SRSF1: variants seen among roughly 807,000 people sequenced by gnomAD.
SRSF1 encodes the protein serine and arginine rich splicing factor 1.
In SRSF1, 1 loss-of-function variant was observed where a neutral mutation model predicts 25.9. That is an observed-to-expected ratio of 0.04 (90% CI 0.01 to 0.18). The LOEUF is 0.18. Among genes scored for constraint, SRSF1 ranks in the 10% least tolerant of loss-of-function variants. The pLI, the probability that SRSF1 is intolerant of heterozygous loss-of-function variation, is 1.00. For missense variants in SRSF1, 65 were observed against 350.5 expected (o/e 0.19, Z 6.50); for synonymous variants, 132 against 126.2 (o/e 1.05, Z -0.31).
At chr17:58,006,604 C>T in intron 1 of SRSF1, 77 bp from the exon 2 acceptor site, 1 of 1,468,466 alleles carries the variant, frequency 6.8e-7, no homozygotes, top group South Asian at 1.3e-5. Context: ...CAGCAAACCC[C>T]CCGCACATGC....
Position 58,001,840 on chromosome 17 carries a change from A to G in SRSF1, c.*3566T>C, listed in dbSNP as rs1212899152. ...CCTATGCCCCTTTACCTAAGTAAAC[A>G]TTAGATCCTCTCTAATCTTCAAATT... On this transcript the variant is annotated 3_prime_UTR_variant, in exon 4 of 4. Transcript: ENST00000258962. 6.6e-6 allele frequency among the ~76,000 whole-genome samples: 1 copy of G among 152,226 alleles called. No individual in the cohort carries two copies. Among genetic ancestry groups the G allele is most frequent in the Non-Finnish European group, 1.5e-5 (1 of 68,036 alleles).
the SRSF1 span, among the ~76,000 whole-genome samples, chr17:57,995,420 G>T: frequency 6.6e-6 from 1 of 152,218 alleles, no homozygotes; most frequent in Admixed American, 6.5e-5. Flanking sequence ...CTCAATAGTA[G>T]GGGTCAAAAG....
At chr17:57,999,210 G>A (rs2075376142), downstream of SRSF1, among the ~76,000 whole-genome samples, 1 of 152,286 alleles carries the variant, frequency 6.6e-6, no homozygotes, top group Non-Finnish European at 1.5e-5. Flanking sequence ...ATACTGAGAA[G>A]ATCATCACAC....
At chr17:57,989,188 TGC>T in the SRSF1 span, 1 of 398,626 alleles carries the variant, frequency 2.5e-6, no homozygotes, top group Non-Finnish European at 4.4e-6. Flanking sequence ...TAGGCGTCAC[TGC>T]TACTGGAACT....
At chr17:57,995,246 A>C in the SRSF1 span, among the ~76,000 whole-genome samples, 8 of 152,316 alleles carry the variant, frequency 5.3e-5, no homozygotes, top group African/African-American at 1.4e-4. Flanking sequence ...TACTAATACA[A>C]ATTTAAGTGT....
the SRSF1 span, chr17:57,991,014 T>C: frequency 6.6e-6 from 1 of 152,186 alleles, no homozygotes; most frequent in Admixed American, 6.5e-5. Flanking sequence ...AGATGTGAAA[T>C]AAATATTTTT....
the SRSF1 span, chr17:57,992,421 C>T: frequency 6.6e-6 from 1 of 151,786 alleles, no homozygotes; most frequent in Non-Finnish European, 1.5e-5. Context: ...TGGTCCTGCA[C>T]CAAACTACAA....
Position 58,003,821 on chromosome 17 carries a change from A to C in SRSF1, c.*1585T>G, listed in dbSNP as rs2075409203. ...TCTTTGGAATAGCCAATTAAGTTGA[A>C]TAAAAAAATCCACACGAATGCGGTT... On this transcript the variant is annotated 3_prime_UTR_variant, in exon 4 of 4. Transcript: ENST00000258962. 1 of 152,660 alleles carries C rather than the reference A, an allele frequency of 6.6e-6. No homozygotes were observed. Among genetic ancestry groups the C allele is most frequent in the African/African-American group, 2.4e-5 (1 of 41,466 alleles). The allele number at this position is 152,660 out of a possible 1,614,324, so 9.5% of individuals were successfully genotyped here.
rs1203024090 is a variant in SRSF1 at position 58,004,259 on chromosome 17, A to G, written c.*1147T>C. On this transcript the variant is annotated 3_prime_UTR_variant, in exon 4 of 4. Coordinates refer to ENST00000258962, the MANE Select transcript of SRSF1 (RefSeq NM_006924.5). ...GCCAACACTTGTTACTGTACAGCGT[A>G]TTACAGGTTTCGTGGTTGCAAGAAG... 1.3e-5 allele frequency: 2 copies of G among 152,664 alleles called. No homozygotes were observed. Among genetic ancestry groups the G allele is most frequent in the African/African-American group, 4.8e-5 (2 of 41,460 alleles). 9.5% of individuals were successfully genotyped at this position (152,664 alleles called of 1,614,324 possible). A position where few individuals can be genotyped will look rare whatever the true frequency, so the allele number is the denominator to read the frequency against.
chr17:57,998,995 G>T (rs1024703535), downstream of SRSF1, among the ~76,000 whole-genome samples: 1 of 152,134 alleles, frequency 6.6e-6, no homozygotes, highest in African/African-American at 2.4e-5. Context: ...AAAGAAACCT[G>T]GGGAGAAAGC....
downstream of SRSF1, among the ~76,000 whole-genome samples, chr17:58,000,054 T>TA (rs2075380304): frequency 6.6e-6 from 1 of 152,208 alleles, no homozygotes; most frequent in Non-Finnish European, 1.5e-5. Flanking sequence ...TAAAATGTTG[T>TA]AAATTACAAA....
chr17:57,993,662 T>TA, the SRSF1 span: 1 of 152,256 alleles, frequency 6.6e-6, no homozygotes, highest in African/African-American at 2.4e-5. Flanking sequence ...GAGGACAGGA[T>TA]AGATTTTGAC....
At position 58,002,206 on chromosome 17, in the gene SRSF1, T is replaced by C. The variant is rs2075396140; in HGVS notation, c.*3200A>G. Among the ~76,000 whole-genome samples, 1 of 152,228 alleles carries C rather than the reference T, an allele frequency of 6.6e-6. No individual in the cohort carries two copies. Among genetic ancestry groups the C allele is most frequent in the South Asian group, 2.1e-4 (1 of 4,834 alleles). The stretch of plus-strand genomic sequence containing the variant: ...GTAAATCTGCCTTTTGGCCATTACA[T>C]TGAATTCTTAGATAAAAAGAGCTAC... On this transcript the variant is annotated 3_prime_UTR_variant, in exon 4 of 4. Transcript: ENST00000258962.
downstream of SRSF1, among the ~76,000 whole-genome samples, chr17:57,996,951 C>A (rs1297818941): frequency 6.6e-6 from 1 of 152,110 alleles, no homozygotes; most frequent in Admixed American, 6.5e-5. Context: ...AACAAAAAAA[C>A]AACCAAAATG....
At chr17:57,999,833 C>T (rs967299321), downstream of SRSF1, among the ~76,000 whole-genome samples, 1 of 152,108 alleles carries the variant, frequency 6.6e-6, no homozygotes, top group Non-Finnish European at 1.5e-5. Flanking sequence ...AGTATAGCAT[C>T]CTAGAGAAGC....
In SRSF1 at chr17:58,003,399, C is replaced by T. The variant is rs913422982; in HGVS notation, c.*2007G>A. On this transcript the variant is annotated 3_prime_UTR_variant, in exon 4 of 4. Coordinates refer to ENST00000258962, the MANE Select transcript of SRSF1 (RefSeq NM_006924.5). ...CTTTTAATTTGCTAACACATTAACA[C>T]AAGAGTCAAAATCTTATCTTACTTA... 5 of 152,140 alleles carry T rather than the reference C, an allele frequency of 3.3e-5. No homozygotes were observed. Among genetic ancestry groups the T allele is most frequent in the Admixed American group, 1.3e-4 (2 of 15,282 alleles). The allele number at this position is 152,140 out of a possible 1,614,324, so 9.4% of individuals were successfully genotyped here.
At position 58,005,935 on chromosome 17, in the gene SRSF1, G is replaced by T; in HGVS notation, c.418C>A (p.His140Asn). The T allele has an allele frequency of 6.2e-7, 1 of 1,613,416 alleles. No individual in the cohort carries two copies. Among genetic ancestry groups the T allele is most frequent in the South Asian group, 1.1e-5 (1 of 91,072 alleles). Residue 140 changes from histidine (H) to asparagine (N), a missense_variant, in exon 3 of 4, where the codon CAC (histidine) becomes AAC (asparagine). By Grantham distance (68) the His-to-Asn change is moderately conservative (BLOSUM62 1). Coordinates refer to ENST00000258962, the MANE Select transcript of SRSF1 (RefSeq NM_006924.5). The surrounding 1 kb of genome is among the most constrained non-coding windows in gnomAD (Gnocchi z 5.2). ...CATACATCACCTGCTTCACGCATGT[G>T]ATCCTTTAAATCCTGCCAACTTCCA... The part of the protein sequence containing the change: ...PSGSWQDLKD[H>N]MREAGDVCYA...
At chr17:58,006,645 G>T in intron 1 of SRSF1, 118 bp from the exon 2 acceptor site, 1 of 1,232,520 alleles carries the variant, frequency 8.1e-7, no homozygotes, top group Non-Finnish European at 1.1e-6. Context: ...CACATGCGCC[G>T]CATAATAGGA....
chr17:57,993,389 CAA>C, the SRSF1 span: 6 of 123,208 alleles, frequency 4.9e-5, no homozygotes, highest in East Asian at 2.3e-4. Flanking sequence ...GACTCCGTCT[CAA>C]AAAAAAAAAA....
Sources: allele counts gnomAD v4.1 joint callset (sites outside exome capture counted in the v4.1 genomes callset), GRCh38; gene constraint gnomAD v4.1.1; non-coding constraint Gnocchi (gnomAD v3.1); transcripts MANE v1.5; gene names NCBI Gene and HGNC (gene_info 2026-07-23, HGNC 2026-07-21).